The following NRXN1 variants were observed in gnomAD, a reference collection of about 807,000 sequenced individuals.
The protein encoded by NRXN1 is neurexin-1.
NRXN1 carries 39 observed loss-of-function variants against 150.9 expected under a neutral mutation model. That is an observed-to-expected ratio of 0.26 (90% CI 0.20 to 0.34). The LOEUF (loss-of-function observed/expected upper bound fraction) is 0.34, where lower values mean the gene tolerates loss of function less well. Ranked by LOEUF, NRXN1 falls within the 10% of genes least tolerant of loss-of-function variation. The pLI is 1.00. For synonymous variants in NRXN1, 924 were observed against 757.0 expected (o/e 1.22, Z -3.62); for missense variants, 1,815 against 1,949.9 (o/e 0.93, Z 1.30).
intron 5 of NRXN1, among the ~76,000 whole-genome samples, chr2:50,904,641 C>G (rs62140651): frequency 0.087 from 13,222 of 152,212 alleles, 649 homozygotes; most frequent in South Asian, 0.12. Context: ...ATGAAACAAC[C>G]TGTCTGCATT....
intron 8 of NRXN1, among the ~76,000 whole-genome samples, chr2:50,577,496 T>C (rs1158060915): frequency 6.6e-6 from 1 of 152,152 alleles, no homozygotes; most frequent in Non-Finnish European, 1.5e-5. Context: ...ACATTATATA[T>C]GGAATTCCAG....
intron 12 of NRXN1, among the ~76,000 whole-genome samples, chr2:50,518,565 G>A (rs2092693247): frequency 6.6e-6 from 1 of 151,718 alleles, no homozygotes; most frequent in Non-Finnish European, 1.5e-5. Flanking sequence ...AAATCAAAAA[G>A]CATATGGGTC....
chr2:50,837,744 A>C (rs1327111797), intron 5 of NRXN1, among the ~76,000 whole-genome samples: 2 of 152,160 alleles, frequency 1.3e-5, no homozygotes, highest in East Asian at 3.9e-4. Context: ...AGCCAAGAAA[A>C]GAGACAAAAT....
At chr2:50,235,886 G>T (rs2065368898) in intron 18 of NRXN1, among the ~76,000 whole-genome samples, 1 of 151,998 alleles carries the variant, frequency 6.6e-6, no homozygotes, top group Non-Finnish European at 1.5e-5. Flanking sequence ...ATGATAATAA[G>T]AACCCTTTAG....
intron 17 of NRXN1, among the ~76,000 whole-genome samples, chr2:50,377,165 A>T (rs1390090620): frequency 6.6e-6 from 1 of 152,074 alleles, no homozygotes; most frequent in Non-Finnish European, 1.5e-5. Flanking sequence ...AACATGTGCG[A>T]TGGTGGTTTG....
chr2:50,924,579 G>A (rs1010649038), intron 3 of NRXN1, among the ~76,000 whole-genome samples: 2 of 151,620 alleles, frequency 1.3e-5, no homozygotes, highest in African/African-American at 4.8e-5. Context: ...CAATATAAAT[G>A]AGACTGACTT....
chr2:50,759,826 CTGTGTGTGTGTG>C (rs72209781), intron 5 of NRXN1, among the ~76,000 whole-genome samples: 33,031 of 142,326 alleles, frequency 0.23, 4,266 homozygotes, highest in East Asian at 0.63. Context: ...TCTAACTAAG[CTGTGTGTGTGTG>C]TGTGTGTGTG....
At chr2:50,722,376 GA>G (rs1484878592) in intron 5 of NRXN1, among the ~76,000 whole-genome samples, 1 of 151,982 alleles carries the variant, frequency 6.6e-6, no homozygotes, top group East Asian at 1.9e-4. Context: ...ATAGCAAATT[GA>G]AAACAATCTA....
chr2:50,924,411 A>G (rs1558430315), intron 3 of NRXN1, among the ~76,000 whole-genome samples: 1 of 151,748 alleles, frequency 6.6e-6, no homozygotes, highest in Non-Finnish European at 1.5e-5. Context: ...GTGTGAAAAG[A>G]GAGAAGCATT....
chr2:50,227,126 A>C (rs1361454874), intron 18 of NRXN1, among the ~76,000 whole-genome samples: 3 of 151,376 alleles, frequency 2.0e-5, no homozygotes, highest in Non-Finnish European at 4.4e-5. Flanking sequence ...GCTTCATAAA[A>C]TTGCCAACAA....
At chr2:50,107,776 A>G (rs1427634505) in intron 18 of NRXN1, among the ~76,000 whole-genome samples, 2 of 151,902 alleles carry the variant, frequency 1.3e-5, no homozygotes, top group Non-Finnish European at 2.9e-5. Flanking sequence ...AGTAATACTA[A>G]TAAGTTCTAA....
At chr2:50,255,454 TC>T (rs1232271965) in intron 17 of NRXN1, among the ~76,000 whole-genome samples, 1 of 152,184 alleles carries the variant, frequency 6.6e-6, no homozygotes, top group East Asian at 1.9e-4. Flanking sequence ...AAGTGTCAAA[TC>T]TTTTTTCTTT....
intron 17 of NRXN1, among the ~76,000 whole-genome samples, chr2:50,265,438 G>A (rs2068733865): frequency 6.6e-6 from 1 of 152,046 alleles, no homozygotes; most frequent in African/African-American, 2.4e-5. Context: ...CATAAAGAGG[G>A]GAGAGTAACT....
intron 5 of NRXN1, among the ~76,000 whole-genome samples, chr2:50,860,471 G>A (rs1369167849): frequency 2.0e-5 from 3 of 152,070 alleles, no homozygotes; most frequent in Non-Finnish European, 4.4e-5. Context: ...AAGGGTTGGG[G>A]TGAAAAGATG....
intron 8 of NRXN1, among the ~76,000 whole-genome samples, chr2:50,604,626 G>A (rs1668305897): frequency 6.6e-6 from 1 of 152,006 alleles, no homozygotes; most frequent in African/African-American, 2.4e-5. Flanking sequence ...TTTACTTGGT[G>A]ACATACTACT....
At chr2:51,000,659 G>C (rs752310314) in intron 2 of NRXN1, among the ~76,000 whole-genome samples, 1 of 151,842 alleles carries the variant, frequency 6.6e-6, no homozygotes. Flanking sequence ...AAGTGAAGAA[G>C]TAGAAATAAC....
intron 15 of NRXN1, among the ~76,000 whole-genome samples, chr2:50,494,946 G>T (rs1426920344): frequency 6.6e-6 from 1 of 151,196 alleles, no homozygotes; most frequent in East Asian, 2.0e-4. Flanking sequence ...CAGGAGAATT[G>T]CTTGAACCTA....
intron 2 of NRXN1, among the ~76,000 whole-genome samples, chr2:51,001,847 A>G (rs1700119273): frequency 6.6e-6 from 1 of 151,956 alleles, no homozygotes; most frequent in South Asian, 2.1e-4. Context: ...TCACTCCTGA[A>G]GCACATCACA....
chr2:50,114,089 AT>A (rs1702720817), intron 18 of NRXN1, among the ~76,000 whole-genome samples: 1 of 152,094 alleles, frequency 6.6e-6, no homozygotes, highest in Non-Finnish European at 1.5e-5. Flanking sequence ...GGGAGAAACT[AT>A]TTGCAAAAGA....
Sources: gnomAD v4.1 joint callset for allele counts (sites outside exome capture counted in the v4.1 genomes callset) on GRCh38, gnomAD v4.1.1 for gene constraint, MANE v1.5 for transcripts, NCBI Gene and HGNC (gene_info 2026-07-23, HGNC 2026-07-21) for gene names.